The following MYO18A variants were observed in gnomAD, a reference collection of about 807,000 sequenced individuals.
The protein encoded by MYO18A is unconventional myosin-XVIIIa.
A neutral mutation model predicts 235.8 loss-of-function variants in MYO18A; 78 were observed. That is an observed-to-expected ratio of 0.33 (90% CI 0.28 to 0.40). MYO18A has a LOEUF of 0.40. MYO18A is among the 10% of genes least tolerant of loss of function. MYO18A has a pLI of 1.00. For synonymous variants in MYO18A, 977 were observed against 1,077.8 expected, an observed-to-expected ratio of 0.91 and a Z score of 1.83; for missense variants, 2,215 against 2,699.3, an observed-to-expected ratio of 0.82 and a Z score of 3.98.
In MYO18A at chr17:29,121,950, T is replaced by G; in HGVS notation, c.1095A>C (p.Gln365His). ...VHRDGFSLASQLKSEELNLPE... is the reference protein window; with the variant it reads ...VHRDGFSLASHLKSEELNLPE... The stretch of plus-strand genomic sequence containing the variant: ...GCAAGTTGAGCTCCTCAGATTTGAG[T>G]TGACTGGCTGCAGGGGAGGGACAGA... The change falls in exon 4 of 42, where the codon CAA (glutamine) becomes CAC (histidine). Residue 365 changes from glutamine to histidine, a missense_variant. Physicochemically the swap from Gln to His is conservative, Grantham distance 24. Coordinates refer to ENST00000527372, the MANE Select transcript of MYO18A (RefSeq NM_078471.4). The surrounding 1 kb of genome is among the most constrained non-coding windows in gnomAD (Gnocchi z 4.2). The G allele has an allele frequency of 6.2e-7, 1 of 1,613,844 alleles. No individual in the cohort carries two copies. The highest frequency in any genetic ancestry group is 8.5e-7 in the Non-Finnish European group (1 of 1,179,842).
In MYO18A at chr17:29,161,670, G is replaced by T. The variant is rs547467349; in HGVS notation, c.999+4272C>A. ...TCCCAGATGCAGGAGGACATGCCTC[G>T]TCCTAAGGGACTCCATTTGTCCTCC... On this transcript the variant is annotated intron_variant, in intron 2 of 41. Coordinates refer to ENST00000527372, the MANE Select transcript of MYO18A (RefSeq NM_078471.4). 1.3e-3 allele frequency among the ~76,000 whole-genome samples: 202 copies of T among 152,292 alleles called. 1 individual carries two copies. The highest frequency in any genetic ancestry group is 4.7e-3 in the African/African-American group (194 of 41,556).
chr17:29,166,149 C>T lies in MYO18A; in HGVS notation c.792G>A (p.Lys264=), dbSNP rs1436804058. ...VHFAEPGAGT[K]DLALGLVPGD... ...CTGGCACCAGCCCCAGGGCCAGGTC[C>T]TTGGTGCCTGCACCAGGCTCAGCAA... The change falls in exon 2 of 42, where the codon AAG becomes AAA. Residue 264 remains lysine (K), a synonymous_variant. Coordinates refer to ENST00000527372, the MANE Select transcript of MYO18A (RefSeq NM_078471.4). The T allele has an allele frequency of 6.2e-7, 1 of 1,613,036 alleles. No homozygotes were observed. Among genetic ancestry groups the T allele is most frequent in the East Asian group, 2.2e-5 (1 of 44,902 alleles).
intron 21 of MYO18A, among the ~76,000 whole-genome samples, chr17:29,101,957 T>C (rs917455190): frequency 2.6e-5 from 4 of 152,178 alleles, no homozygotes; most frequent in Non-Finnish European, 5.9e-5. Flanking sequence ...AGAGTCCTTA[T>C]TGAAACTCTC....
chr17:29,082,056 A>C (rs1207823994), intron 41 of MYO18A, among the ~76,000 whole-genome samples: 2 of 152,222 alleles, frequency 1.3e-5, no homozygotes, highest in Non-Finnish European at 2.9e-5. Context: ...TTGAATGAAT[A>C]AGTGGAGGTG....
At chr17:29,173,966 T>A (rs757835612) in intron 1 of MYO18A, among the ~76,000 whole-genome samples, 5 of 152,022 alleles carry the variant, frequency 3.3e-5, no homozygotes, top group Non-Finnish European at 7.4e-5. Context: ...TAGAGACAGG[T>A]TCTTGCTATT....
intron 2 of MYO18A, among the ~76,000 whole-genome samples, chr17:29,130,761 T>C (rs1019547044): frequency 3.3e-5 from 5 of 152,188 alleles, no homozygotes; most frequent in African/African-American, 9.7e-5. Context: ...GACTTGGCTA[T>C]TCAGAAACCT....
At chr17:29,076,171 C>T (rs1483842443) in intron 41 of MYO18A, 1 of 153,362 alleles carries the variant, frequency 6.5e-6, no homozygotes, top group Non-Finnish European at 1.5e-5. Context: ...GGCTATCTTA[C>T]TCTTCACAAT....
intron 2 of MYO18A, among the ~76,000 whole-genome samples, chr17:29,164,935 T>C (rs1035650076): frequency 6.6e-6 from 1 of 152,228 alleles, no homozygotes; most frequent in Non-Finnish European, 1.5e-5. Context: ...TCCAGGTCCA[T>C]GCTTTTTCTC....
At position 29,096,809 on chromosome 17, in the gene MYO18A, A is replaced by T; in HGVS notation, c.4337T>A (p.Leu1446Gln). Reference sequence around the variant, plus strand: ...GTGGTTGCGGACCTGCTGGCCCTCCAGGTGCAGCTTGGTGTCTTGCAGCTC... The same window carrying T: ...GTGGTTGCGGACCTGCTGGCCCTCCTGGTGCAGCTTGGTGTCTTGCAGCTC... ...TAELQDTKLH[L>Q]EGQQVRNHEL... is the part of the protein sequence containing the mutation. The change falls in exon 28 of 42, where the codon CTG becomes CAG. Residue 1446 changes from leucine to glutamine, a missense_variant. Leu to Gln is a moderately radical substitution (Grantham distance 113). Transcript: ENST00000527372. 1 of 1,604,976 alleles carries T rather than the reference A, an allele frequency of 6.2e-7. No homozygotes were observed. The highest frequency in any genetic ancestry group is 8.5e-7 in the Non-Finnish European group (1 of 1,176,122).
rs969314500 is a variant in MYO18A, at chr17:29,116,725, TCCCCCCCCCC to T, written c.2039-280_2039-271del. ...CATGTGTGTGTGCGCAAACACACCC[TCCCCCCCCCC>T]CCCCCCCCCCGCCGGAAAACACTGG... On this transcript the variant is annotated intron_variant, in intron 10 of 41. Coordinates refer to ENST00000527372, the MANE Select transcript of MYO18A (RefSeq NM_078471.4). Among the ~76,000 whole-genome samples the T allele has an allele frequency of 7.8e-3, 28 of 3,572 alleles. 3 individuals carry two copies. The East Asian group carries it at 0.4, about 50-fold the overall frequency. The allele number at this position is 3,572 out of a possible 152,430, so 2.3% of individuals were successfully genotyped here. A position where few individuals can be genotyped will look rare whatever the true frequency, so the allele number is the denominator to read the frequency against.
chr17:29,091,000 A>G (rs577726305), intron 34 of MYO18A, 74 bp from the exon 35 acceptor site: 1 of 1,210,480 alleles, frequency 8.3e-7, no homozygotes, highest in Non-Finnish European at 1.2e-6. Flanking sequence ...CTCCAATGGC[A>G]GGGGCATTGT....
chr17:29,161,073 G>A (rs966410786), intron 2 of MYO18A, among the ~76,000 whole-genome samples: 10 of 151,856 alleles, frequency 6.6e-5, no homozygotes, highest in African/African-American at 2.4e-4. Flanking sequence ...ACAAAAATTA[G>A]GCTGGGCTTG....
At chr17:29,139,390 C>T (rs1226785142) in intron 2 of MYO18A, among the ~76,000 whole-genome samples, 2 of 152,100 alleles carry the variant, frequency 1.3e-5, no homozygotes, top group Non-Finnish European at 1.5e-5. Flanking sequence ...CAGGAAGCGC[C>T]CATCTCTCAG....
intron 2 of MYO18A, among the ~76,000 whole-genome samples, chr17:29,154,072 A>T (rs2068011189): frequency 6.6e-6 from 1 of 151,152 alleles, no homozygotes; most frequent in South Asian, 2.1e-4. Flanking sequence ...GGTCTGGGAG[A>T]AAAGGACAAC....
At position 29,121,189 on chromosome 17, in the gene MYO18A, C is replaced by T; in HGVS notation, c.1394G>A (p.Cys465Tyr). 1.2e-6 allele frequency: 2 copies of T among 1,608,964 alleles called. No individual in the cohort carries two copies. The highest frequency in any genetic ancestry group is 1.7e-6 in the Non-Finnish European group (2 of 1,177,790). ...SEKVMHMFKG[C>Y]RREDMAPHIY... ...GTGGGGTGCCATGTCCTCCCGCCGA[C>T]AACCCTTGAACATGTGCATCACCTT... is the stretch of plus-strand genomic sequence containing the variant. The change falls in exon 6 of 42, where the codon TGT becomes TAT. Residue 465 changes from cysteine (C) to tyrosine (Y), a missense_variant. Transcript: ENST00000527372. The surrounding 1 kb of genome is among the most constrained non-coding windows in gnomAD (Gnocchi z 4.2).
intron 2 of MYO18A, among the ~76,000 whole-genome samples, chr17:29,159,201 C>T (rs1198712150): frequency 1.3e-5 from 2 of 152,136 alleles, no homozygotes; most frequent in Non-Finnish European, 2.9e-5. Context: ...GAAGGGAGCC[C>T]TGGAAATGAT....
At chr17:29,098,701 A>G (rs1434232391) in intron 23 of MYO18A, 125 bp downstream of exon 23, 1 of 1,344,866 alleles carries the variant, frequency 7.4e-7, no homozygotes, top group African/African-American at 1.5e-5. Context: ...GACATCTTCT[A>G]TTTGATGAGC....
chr17:29,096,310 T>G (rs2066517298), intron 28 of MYO18A, among the ~76,000 whole-genome samples: 2 of 152,338 alleles, frequency 1.3e-5, no homozygotes, highest in South Asian at 2.1e-4. Flanking sequence ...GATTTTCTCC[T>G]GTGAGGGCCA....
At chr17:29,132,023 G>A (rs781131815) in intron 2 of MYO18A, among the ~76,000 whole-genome samples, 7 of 152,238 alleles carry the variant, frequency 4.6e-5, no homozygotes, top group Admixed American at 3.9e-4. Flanking sequence ...GGGCAGAGGC[G>A]GAGATTCAGG....
Sources: allele counts gnomAD v4.1 joint callset (sites outside exome capture counted in the v4.1 genomes callset), GRCh38; gene constraint gnomAD v4.1.1; non-coding constraint Gnocchi (gnomAD v3.1); transcripts MANE v1.5; gene names NCBI Gene and HGNC (gene_info 2026-07-23, HGNC 2026-07-21).